MYO18B: variants seen among roughly 807,000 people sequenced by gnomAD.
MYO18B encodes myosin XVIIIB, also known as unconventional myosin-XVIIIb.
In MYO18B, 204 loss-of-function variants were observed where a neutral mutation model predicts 273.0. The observed-to-expected ratio is 0.75, with a 90% CI of 0.67 to 0.84. The LOEUF (loss-of-function observed/expected upper bound fraction) is 0.84. Among genes scored for constraint, MYO18B ranks in the 40% least tolerant of loss-of-function variants. The pLI is 0.00. For missense variants in MYO18B, 3,212 were observed against 3,287.6 expected (o/e 0.98, Z 0.56); for synonymous variants, 1,330 against 1,305.7 (o/e 1.02, Z -0.40).
chr22:25,874,282 C>T lies in MYO18B; in HGVS notation c.3952-4C>T, dbSNP rs927595206. ...GACTCACCTGAAACCTTCCCTCTCC[C>T]CAGGTTTTTCTCAAGGCAGGTGTGA... is the stretch of plus-strand genomic sequence containing the variant. On this transcript the variant is annotated splice_polypyrimidine_tract_variant and splice_region_variant and intron_variant, in intron 22 of 43. Transcript: ENST00000335473. The T allele has an allele frequency of 1.9e-6, 3 of 1,613,916 alleles. No individual in the cohort carries two copies. The highest frequency in any genetic ancestry group is 2.5e-6 in the Non-Finnish European group (3 of 1,179,852).
intron 17 of MYO18B, among the ~76,000 whole-genome samples, chr22:25,839,095 C>G (rs375069333): frequency 4.9e-5 from 7 of 143,430 alleles, no homozygotes; most frequent in Non-Finnish European, 7.7e-5. Context: ...AGTGTGTATA[C>G]GTGTGTGCGT....
chr22:25,940,897 G>C (rs1183173473), intron 34 of MYO18B, among the ~76,000 whole-genome samples: 1 of 152,208 alleles, frequency 6.6e-6, no homozygotes. Context: ...AGTAGAAGAA[G>C]GGTCCTATCC....
chr22:25,901,505 T>C (rs1009994525), intron 29 of MYO18B: 13 of 152,194 alleles, frequency 8.5e-5, no homozygotes, highest in Non-Finnish European at 1.9e-4. Context: ...TAACAAGGCA[T>C]TAATTCCCTG....
At chr22:26,019,936 C>T (rs1935675136) in intron 42 of MYO18B, among the ~76,000 whole-genome samples, 5 of 152,266 alleles carry the variant, frequency 3.3e-5, no homozygotes, top group Middle Eastern at 3.4e-3. Context: ...TTCATTACAT[C>T]GCAGTGGATC....
At chr22:25,869,477 G>A (rs867347747) in intron 22 of MYO18B, among the ~76,000 whole-genome samples, 85 of 132,562 alleles carry the variant, frequency 6.4e-4, no homozygotes, top group African/African-American at 2.4e-3. Flanking sequence ...AAAAAAAGAA[G>A]GAAGGAAGGA....
chr22:26,055,050 C>T, the MYO18B span, among the ~76,000 whole-genome samples: 3 of 152,280 alleles, frequency 2.0e-5, no homozygotes, highest in Non-Finnish European at 4.4e-5. Context: ...GTTCACACCC[C>T]TCAGGCTTCA....
chr22:25,835,299 C>T lies in MYO18B; in HGVS notation c.3064C>T (p.Arg1022Cys), dbSNP rs376614698. ...AVVDQNPSQVRLPAGGGAQDA... is the reference protein window; with the variant it reads ...AVVDQNPSQVCLPAGGGAQDA... Reference sequence around the variant, plus strand: ...TGAATCCTGGTTCTCCCAGCAGGTCCGCTTACCAGCTGGAGGAGGTGCCCA... The same window carrying T: ...TGAATCCTGGTTCTCCCAGCAGGTCTGCTTACCAGCTGGAGGAGGTGCCCA... Residue 1022 changes from arginine (R) to cysteine (C), a missense_variant, in exon 17 of 44, where the codon CGC (arginine) becomes TGC (cysteine). Arg to Cys is a radical substitution (Grantham distance 180). Transcript: ENST00000335473. 2.9e-5 allele frequency: 47 copies of T among 1,613,296 alleles called. No homozygotes were observed. The highest frequency in any genetic ancestry group is 1.3e-4 in the African/African-American group (10 of 74,912).
chr22:25,754,136 C>T (rs133867), intron 1 of MYO18B, among the ~76,000 whole-genome samples: 119,235 of 152,104 alleles, frequency 0.78, 47,699 homozygotes, highest in African/African-American at 0.94. Flanking sequence ...ATAGGGGCTG[C>T]TCTGGAGGAG....
chr22:25,840,020 T>C (rs1039842961), intron 17 of MYO18B, among the ~76,000 whole-genome samples: 1 of 152,164 alleles, frequency 6.6e-6, no homozygotes, highest in Non-Finnish European at 1.5e-5. Context: ...CCCTGCCCTG[T>C]CTGAAGCTGT....
chr22:26,060,997 GCACACACATACA>G, the MYO18B span, among the ~76,000 whole-genome samples: 2 of 97,868 alleles, frequency 2.0e-5, no homozygotes, highest in Admixed American at 9.0e-5. Flanking sequence ...TACCACATAT[GCACACACATACA>G]CACACACACA....
At chr22:25,753,148 C>T (rs1245383526) in intron 1 of MYO18B, among the ~76,000 whole-genome samples, 5 of 150,924 alleles carry the variant, frequency 3.3e-5, no homozygotes, top group Non-Finnish European at 5.9e-5. Flanking sequence ...ACTGCCCAAG[C>T]GCTGATCAGT....
At chr22:25,787,787 A>T (rs2087466085) in intron 11 of MYO18B, among the ~76,000 whole-genome samples, 1 of 152,060 alleles carries the variant, frequency 6.6e-6, no homozygotes, top group Admixed American at 6.6e-5. Context: ...TTCTTTTTTC[A>T]TACCCTTTAC....
chr22:26,024,815 C>G (rs997889408), intron 42 of MYO18B, among the ~76,000 whole-genome samples: 2 of 152,208 alleles, frequency 1.3e-5, no homozygotes, highest in South Asian at 4.1e-4. Flanking sequence ...GTGCCTGTCT[C>G]AGTCTCTTCT....
Position 25,761,114 on chromosome 22 carries a change from G to A in MYO18B, c.22G>A (p.Ala8Thr), listed in dbSNP as rs139296373. MAISSRL[A>T]LWEQKIREED... is the part of the protein sequence containing the mutation. ...CAGCATGGCCATCTCATCACGCCTCGCCCTGTGGGAGCAGAAGGAAAGTGA... is the reference window on the plus strand; with the variant it reads ...CAGCATGGCCATCTCATCACGCCTCACCCTGTGGGAGCAGAAGGAAAGTGA... The change falls in exon 2 of 44, where the codon GCC becomes ACC. Residue 8 changes from alanine (A) to threonine (T), a missense_variant. Physicochemically the swap from Ala to Thr is moderately conservative, Grantham distance 58. Transcript: ENST00000335473. The A allele has an allele frequency of 2.1e-4, 344 of 1,613,398 alleles. No individual in the cohort carries two copies. Among genetic ancestry groups the A allele is most frequent in the Non-Finnish European group, 2.5e-4 (299 of 1,179,878 alleles).
Position 26,027,332 on chromosome 22 carries a change from C to A in MYO18B, c.7358C>A (p.Thr2453Lys). The change falls in exon 43 of 44, where the codon ACA becomes AAA. Residue 2453 changes from threonine (T) to lysine (K), a missense_variant. Thr to Lys is a moderately conservative substitution (Grantham distance 78). Transcript: ENST00000335473. This position sits in a 1 kb window ranked among gnomAD's most constrained non-coding sequence, Gnocchi z 4.1. ...DFLPAIRKPQ[T>K]PTSLAGSAKG... ...CTCCCAGCTATCCGGAAGCCCCAGACACCTACCTCCTTGGCTGGATCAGCC... is the reference window on the plus strand; with the variant it reads ...CTCCCAGCTATCCGGAAGCCCCAGAAACCTACCTCCTTGGCTGGATCAGCC... The A allele has an allele frequency of 6.2e-7, 1 of 1,614,018 alleles. No individual in the cohort carries two copies.
intron 25 of MYO18B, among the ~76,000 whole-genome samples, chr22:25,882,262 C>T (rs1446975950): frequency 6.6e-6 from 1 of 151,618 alleles, no homozygotes; most frequent in Admixed American, 6.6e-5. Flanking sequence ...CAAATAGAAC[C>T]ATTAAAGTTG....
At chr22:25,984,627 AAATAATAAT>A (rs34901412) in intron 39 of MYO18B, among the ~76,000 whole-genome samples, 16 of 150,388 alleles carry the variant, frequency 1.1e-4, no homozygotes, top group African/African-American at 3.4e-4. Flanking sequence ...CTGTTTCTAC[AAATAATAAT>A]AATAATAATA....
chr22:26,003,450 C>T, intron 41 of MYO18B, 141 bp downstream of exon 41: 1 of 757,348 alleles, frequency 1.3e-6, no homozygotes, highest in Non-Finnish European at 2.3e-6. Context: ...ATGGTCATAA[C>T]CTATAGCACT....
intron 7 of MYO18B, among the ~76,000 whole-genome samples, chr22:25,772,928 G>T (rs7284895): frequency 6.6e-6 from 1 of 152,150 alleles, no homozygotes; most frequent in Non-Finnish European, 1.5e-5. Context: ...CAGGTCTAGC[G>T]AGCAGAGTTG....
Sources: gnomAD v4.1 joint callset for allele counts (sites outside exome capture counted in the v4.1 genomes callset) on GRCh38, gnomAD v4.1.1 for gene constraint, Gnocchi (gnomAD v3.1) non-coding constraint, MANE v1.5 for transcripts, NCBI Gene and HGNC (gene_info 2026-07-23, HGNC 2026-07-21) for gene names.